Variants in RTL3 observed in about 807,000 individuals in gnomAD.
RTL3 encodes the protein retrotransposon Gag-like protein 3.
For missense variants in RTL3, 468 were observed against 341.8 expected, an observed-to-expected ratio of 1.37 and a Z score of -2.91; for synonymous variants, 181 against 132.2, an observed-to-expected ratio of 1.37 and a Z score of -2.53.
In RTL3 at chrX:78,656,650, G is replaced by A. The variant is rs761167455; in HGVS notation, c.*343C>T. On this transcript the variant is annotated 3_prime_UTR_variant, in exon 2 of 2. Transcript: ENST00000321110. ...AAGCCAATGGATTCCAATAATCAGAGGGTATCGTGGTGCATGAATAATGTC... is the reference window on the plus strand; with the variant it reads ...AAGCCAATGGATTCCAATAATCAGAAGGTATCGTGGTGCATGAATAATGTC... 4.3e-5 allele frequency: 9 copies of A among 209,645 alleles called. No individual in the cohort carries two copies. In the East Asian group the frequency reaches 8.9e-4, roughly 21 times the overall value. 17.3% of individuals were successfully genotyped at this position (209,645 alleles called of 1,213,427 possible).
chrX:78,657,708 A>AG lies in RTL3; in HGVS notation c.712dup (p.Leu238ProfsTer16), dbSNP rs772223607. On this transcript the variant is annotated frameshift_variant, in exon 2 of 2. Coordinates refer to ENST00000321110, the MANE Select transcript of RTL3 (RefSeq NM_152694.3). LOFTEE classifies it low-confidence loss of function (END_TRUNC). Reference sequence around the variant, plus strand: ...TCCACTGAAGGTTAAAGTGTATTGCAGGGGGAAATCTGTAGCCTCTAACCC... The same window carrying AG: ...TCCACTGAAGGTTAAAGTGTATTGCAGGGGGGAAATCTGTAGCCTCTAACCC... 2.5e-6 allele frequency: 3 copies of AG among 1,210,813 alleles called. No individual in the cohort carries two copies. In the South Asian group the frequency reaches 5.3e-5, roughly 21 times the overall value.
At position 78,656,969 on chromosome X, in the gene RTL3, A is replaced by G. The variant is rs772759006; in HGVS notation, c.*24T>C. On this transcript the variant is annotated 3_prime_UTR_variant, in exon 2 of 2. Coordinates refer to ENST00000321110, the MANE Select transcript of RTL3 (RefSeq NM_152694.3). ...GGAAGAGAGGGGGACGCATATTTGTAGATTGGCCCACGTGGGGTCCCCCTT... is the reference window on the plus strand; with the variant it reads ...GGAAGAGAGGGGGACGCATATTTGTGGATTGGCCCACGTGGGGTCCCCCTT... 1.1e-5 allele frequency: 13 copies of G among 1,175,114 alleles called. No individual in the cohort carries two copies. Among genetic ancestry groups the G allele is most frequent in the South Asian group, 1.9e-5 (1 of 52,678 alleles).
Position 78,656,412 on chromosome X carries a change from A to T in RTL3, c.*581T>A, listed in dbSNP as rs780110450. 1 of 112,845 alleles carries T rather than the reference A, an allele frequency of 8.9e-6. No homozygotes were observed. Among genetic ancestry groups the T allele is most frequent in the East Asian group, 2.8e-4 (1 of 3,594 alleles). 9.3% of individuals were successfully genotyped at this position (112,845 alleles called of 1,213,427 possible). On this transcript the variant is annotated 3_prime_UTR_variant, in exon 2 of 2. Transcript: ENST00000321110. ...AGCCTTAGTACATAGCAAGATGTTC[A>T]GTAGAAGATTCAGGGAGCAGCAAAT...
In RTL3 at chrX:78,657,356, G is replaced by C. The variant is rs1260133510; in HGVS notation, c.1065C>G (p.Ser355Arg). ...CTTCTTGAAATTGGATCCAGAGAGT[G>C]CTTTCATCCCAGTTCAGCTCTTGAG... ...LIAQELNWDE[S>R]TLWIQFQEGL... is the part of the protein sequence containing the mutation. Residue 355 changes from serine (S) to arginine (R), a missense_variant, in exon 2 of 2, where the codon AGC becomes AGG. Ser to Arg is a moderately radical substitution (Grantham distance 110). Transcript: ENST00000321110. 1 of 1,211,889 alleles carries C rather than the reference G, an allele frequency of 8.3e-7. No individual in the cohort carries two copies. Among genetic ancestry groups the C allele is most frequent in the Admixed American group, 2.2e-5 (1 of 46,096 alleles).
rs1569555350 is a variant in RTL3, at chrX:78,658,359, G to A, written c.62C>T (p.Ala21Val). ...VLKLENEIRQ[A>V]QVQWLMEENA... is the part of the protein sequence containing the mutation. Reference sequence around the variant, plus strand: ...TTCTTCCATCAGCCACTGCACTTGAGCCTGCCGAATTTCATTCTCCAATTT... The same window carrying A: ...TTCTTCCATCAGCCACTGCACTTGAACCTGCCGAATTTCATTCTCCAATTT... Residue 21 changes from alanine to valine, a missense_variant, in exon 2 of 2, where the codon GCT (alanine) becomes GTT (valine). Coordinates refer to ENST00000321110, the MANE Select transcript of RTL3 (RefSeq NM_152694.3). 5.0e-6 allele frequency: 6 copies of A among 1,208,781 alleles called. No individual in the cohort carries two copies. In the Admixed American group the frequency reaches 6.6e-5, roughly 13 times the overall value.
Position 78,657,636 on chromosome X carries a change from A to C in RTL3, c.785T>G (p.Met262Arg). Residue 262 changes from methionine to arginine, a missense_variant, in exon 2 of 2, where the codon ATG (methionine) becomes AGG (arginine). Coordinates refer to ENST00000321110, the MANE Select transcript of RTL3 (RefSeq NM_152694.3). ...PEFLVQLYSY[M>R]RVRGHLYPTE... ...GGGATACAGGTGCCCTCTGACTCTC[A>C]TGTAACTATACAGCTGAACCAGGAA... 8.3e-7 allele frequency: 1 copy of C among 1,207,677 alleles called. No homozygotes were observed. Among genetic ancestry groups the C allele is most frequent in the South Asian group, 1.8e-5 (1 of 56,147 alleles).
intron 1 of RTL3, among the ~76,000 whole-genome samples, 166 bp downstream of exon 1, chrX:78,659,095 A>C (rs1194720953): frequency 1.9e-5 from 2 of 107,967 alleles, no homozygotes; most frequent in African/African-American, 6.8e-5. Context: ...CACCTCAGAA[A>C]TCATACCACA....
At chrX:78,658,824 G>A (rs898452858) in intron 1 of RTL3, among the ~76,000 whole-genome samples, 176 bp from the exon 2 acceptor site, 1 of 111,703 alleles carries the variant, frequency 9.0e-6, no homozygotes, top group African/African-American at 3.3e-5. Context: ...GTCCCAAACT[G>A]CACATGTCAT....
Position 78,656,775 on chromosome X carries a change from C to T in RTL3, c.*218G>A, listed in dbSNP as rs932442305. The stretch of plus-strand genomic sequence containing the variant: ...TAAGTGGATGGCCGTCGACAGTTTC[C>T]AGCATCAGAGGGAAGATATTACTGC... On this transcript the variant is annotated 3_prime_UTR_variant, in exon 2 of 2. Transcript: ENST00000321110. 4.9e-6 allele frequency: 2 copies of T among 408,182 alleles called. No homozygotes were observed. Among genetic ancestry groups the T allele is most frequent in the Admixed American group, 4.6e-5 (1 of 21,716 alleles). The allele number at this position is 408,182 out of a possible 1,213,427, so 33.6% of individuals were successfully genotyped here.
rs1490672015 is a variant in RTL3 at position 78,657,349 on chromosome X, A to T, written c.1072T>A (p.Trp358Arg). The T allele has an allele frequency of 1.7e-6, 2 of 1,210,266 alleles. No individual in the cohort carries two copies. The highest frequency in any genetic ancestry group is 1.7e-5 in the African/African-American group (1 of 57,180). Residue 358 changes from tryptophan (W) to arginine (R), a missense_variant, in exon 2 of 2, where the codon TGG (tryptophan) becomes AGG (arginine). Physicochemically the swap from Trp to Arg is moderately radical, Grantham distance 101. Transcript: ENST00000321110. Reference sequence around the variant, plus strand: ...GCAAGACCTTCTTGAAATTGGATCCAGAGAGTGCTTTCATCCCAGTTCAGC... The same window carrying T: ...GCAAGACCTTCTTGAAATTGGATCCTGAGAGTGCTTTCATCCCAGTTCAGC... ...QELNWDESTLWIQFQEGLASS... is the reference protein window; with the variant it reads ...QELNWDESTLRIQFQEGLASS...
Position 78,657,370 on chromosome X carries a change from T to C in RTL3, c.1051A>G (p.Asn351Asp), listed in dbSNP as rs372947169. The change falls in exon 2 of 2, where the codon AAC becomes GAC. Residue 351 changes from asparagine (N) to aspartate (D), a missense_variant. Asn to Asp is a conservative substitution (Grantham distance 23, BLOSUM62 1). Coordinates refer to ENST00000321110, the MANE Select transcript of RTL3 (RefSeq NM_152694.3). ...THFHLIAQELNWDESTLWIQF... is the reference protein window; with the variant it reads ...THFHLIAQELDWDESTLWIQF... ...ATCCAGAGAGTGCTTTCATCCCAGT[T>C]CAGCTCTTGAGCAATGAGGTGGAAG... 1 of 1,210,339 alleles carries C rather than the reference T, an allele frequency of 8.3e-7. No individual in the cohort carries two copies. Among genetic ancestry groups the C allele is most frequent in the Non-Finnish European group, 1.1e-6 (1 of 895,348 alleles).
At position 78,657,027 on chromosome X, in the gene RTL3, G is replaced by A; in HGVS notation, c.1394C>T (p.Ala465Val). 1 of 1,211,329 alleles carries A rather than the reference G, an allele frequency of 8.3e-7. No individual in the cohort carries two copies. The highest frequency in any genetic ancestry group is 1.1e-6 in the Non-Finnish European group (1 of 895,080). Residue 465 changes from alanine to valine, a missense_variant, in exon 2 of 2, where the codon GCC becomes GTC. By Grantham distance (64) the Ala-to-Val change is moderately conservative (BLOSUM62 0). Coordinates refer to ENST00000321110, the MANE Select transcript of RTL3 (RefSeq NM_152694.3). Reference sequence around the variant, plus strand: ...GGCCTGGATGTTTCCCGCCTGCAGGGCCTGATGAGGCTTGACAGGGCAATC... The same window carrying A: ...GGCCTGGATGTTTCCCGCCTGCAGGACCTGATGAGGCTTGACAGGGCAATC... ...ARDCPVKPHQ[A>V]LQAGNIQACQ
At position 78,658,060 on chromosome X, in the gene RTL3, G is replaced by T; in HGVS notation, c.361C>A (p.Arg121=). 1 of 1,154,085 alleles carries T rather than the reference G, an allele frequency of 8.7e-7. No homozygotes were observed. The highest frequency in any genetic ancestry group is 1.1e-6 in the Non-Finnish European group (1 of 871,683). Residue 121 remains arginine (R), a synonymous_variant, in exon 2 of 2, where the codon CGG becomes AGG. Transcript: ENST00000321110. ...GCCATTGGAGGTTTCTGGGACTCCCGGGTTGCTGGAGGCGCCAGGGACTCT... is the reference window on the plus strand; with the variant it reads ...GCCATTGGAGGTTTCTGGGACTCCCTGGTTGCTGGAGGCGCCAGGGACTCT... ...APESLAPPAT[R]ESQKPPMAHE...
Position 78,656,701 on chromosome X carries a change from C to G in RTL3, c.*292G>C. Reference sequence around the variant, plus strand: ...AAACTGGAGCTCTTCAACATGGTTTCCAATTTGAACTTGGACAGGTGATGT... The same window carrying G: ...AAACTGGAGCTCTTCAACATGGTTTGCAATTTGAACTTGGACAGGTGATGT... On this transcript the variant is annotated 3_prime_UTR_variant, in exon 2 of 2. Transcript: ENST00000321110. 1 of 299,013 alleles carries G rather than the reference C, an allele frequency of 3.3e-6. No homozygotes were observed. Among genetic ancestry groups the G allele is most frequent in the Non-Finnish European group, 5.8e-6 (1 of 171,030 alleles). 24.6% of individuals were successfully genotyped at this position (299,013 alleles called of 1,213,427 possible). A position where few individuals can be genotyped will look rare whatever the true frequency, so the allele number is the denominator to read the frequency against.
chrX:78,657,731 C>G lies in RTL3; in HGVS notation c.690G>C (p.Gly230=). 8.3e-7 allele frequency: 1 copy of G among 1,209,163 alleles called. No homozygotes were observed. The highest frequency in any genetic ancestry group is 1.1e-6 in the Non-Finnish European group (1 of 895,013). The part of the protein sequence containing the change: ...AASEFPQAPI[G]LEATDFPLQY... ...GCAGGGGGAAATCTGTAGCCTCTAA[C>G]CCAATAGGGGCCTGTGGAAACTCTG... The change falls in exon 2 of 2, where the codon GGG becomes GGC. Residue 230 remains glycine, a synonymous_variant. Transcript: ENST00000321110.
chrX:78,656,900 G>T lies in RTL3; in HGVS notation c.*93C>A. 2 of 885,056 alleles carry T rather than the reference G, an allele frequency of 2.3e-6. No individual in the cohort carries two copies. The allele number at this position is 885,056 out of a possible 1,213,427, so 72.9% of individuals were successfully genotyped here. The stretch of plus-strand genomic sequence containing the variant: ...TGCTCAAAGAATTATCTTCTTCCCA[G>T]TTGGATTTCAACAGTAAGCCATAGT... On this transcript the variant is annotated 3_prime_UTR_variant, in exon 2 of 2. Transcript: ENST00000321110.
Position 78,657,075 on chromosome X carries a change from C to T in RTL3, c.1346G>A (p.Gly449Asp), listed in dbSNP as rs775430856. ...ATCTCTGGCAAAATGACCAGGATAACCACAGTAGAGGCATAAGCGGCCTTT... is the reference window on the plus strand; with the variant it reads ...ATCTCTGGCAAAATGACCAGGATAATCACAGTAGAGGCATAAGCGGCCTTT... ...WHKGRLCLYC[G>D]YPGHFARDCP... The change falls in exon 2 of 2, where the codon GGT (glycine) becomes GAT (aspartate). Residue 449 changes from glycine to aspartate, a missense_variant. Coordinates refer to ENST00000321110, the MANE Select transcript of RTL3 (RefSeq NM_152694.3). 1.6e-5 allele frequency: 19 copies of T among 1,212,339 alleles called. No homozygotes were observed. The highest frequency in any genetic ancestry group is 2.1e-5 in the Non-Finnish European group (19 of 895,619).
Position 78,658,633 on chromosome X carries a change from G to T in RTL3, c.-213C>A. The T allele has an allele frequency of 2.8e-6, 1 of 357,804 alleles. No homozygotes were observed. The highest frequency in any genetic ancestry group is 5.0e-6 in the Non-Finnish European group (1 of 200,843). The allele number at this position is 357,804 out of a possible 1,213,427, so 29.5% of individuals were successfully genotyped here. On this transcript the variant is annotated 5_prime_UTR_variant, in exon 2 of 2. Transcript: ENST00000321110. ...AAGGAGCCTCCGGAGCTCAGTAAGGGGAAGTGTCAGATACACTGCGAAGAG... is the reference window on the plus strand; with the variant it reads ...AAGGAGCCTCCGGAGCTCAGTAAGGTGAAGTGTCAGATACACTGCGAAGAG...
rs1436186561 is a variant in RTL3 at position 78,657,159 on chromosome X, G to T, written c.1262C>A (p.Pro421His). 1.7e-6 allele frequency: 2 copies of T among 1,210,898 alleles called. No homozygotes were observed. The highest frequency in any genetic ancestry group is 3.5e-5 in the African/African-American group (2 of 57,382). ...TGGGCAGTTGATTGCAGCCTGCATA[G>T]GTTGGTTTTCAGCTGGTGGACTCTC... ...GPESPPAENQ[P>H]MQAAINCPHI... is the part of the protein sequence containing the mutation. Residue 421 changes from proline to histidine, a missense_variant, in exon 2 of 2, where the codon CCT becomes CAT. Pro to His is a moderately conservative substitution (Grantham distance 77, BLOSUM62 -2). Transcript: ENST00000321110.
Sources: allele counts gnomAD v4.1 joint callset (sites outside exome capture counted in the v4.1 genomes callset), GRCh38; gene constraint gnomAD v4.1.1; transcripts MANE v1.5; gene names NCBI Gene and HGNC (gene_info 2026-07-23, HGNC 2026-07-21).